The following LPA variants were observed in gnomAD, a reference collection of about 807,000 sequenced individuals.
LPA encodes the protein apolipoprotein(a).
In LPA, 199 loss-of-function variants were observed where a neutral mutation model predicts 197.9. The ratio of observed to expected loss-of-function variants is 1.01; its 90% confidence interval spans 0.90 to 1.13. The LOEUF (loss-of-function observed/expected upper bound fraction) is 1.13, where lower values mean the gene tolerates loss of function less well. Ranked by LOEUF, LPA falls within the 50% of genes most tolerant of loss-of-function variation. LPA has a pLI of 0.00. For synonymous variants in LPA, 715 were observed against 639.5 expected (o/e 1.12, Z -1.78); for missense variants, 1,853 against 1,785.8 (o/e 1.04, Z -0.68).
intron 28 of LPA, among the ~76,000 whole-genome samples, chr6:160,566,610 CATG>C (rs1309326635): frequency 1.3e-5 from 2 of 152,208 alleles, no homozygotes; most frequent in Non-Finnish European, 2.9e-5. Flanking sequence ...CAGCGAACAT[CATG>C]ATGACAGGAT....
At chr6:160,647,122 G>A (rs1166144844) in intron 2 of LPA, among the ~76,000 whole-genome samples, 1 of 152,180 alleles carries the variant, frequency 6.6e-6, no homozygotes, top group Admixed American at 6.5e-5. Flanking sequence ...CTTCTCTCCT[G>A]CTCTCAGTCT....
chr6:160,600,271 T>C (rs1239505383), intron 19 of LPA, among the ~76,000 whole-genome samples: 1 of 152,070 alleles, frequency 6.6e-6, no homozygotes, highest in African/African-American at 2.4e-5. Context: ...TGCATTGCAA[T>C]AAAGCAAAAG....
chr6:160,664,147 T>A lies in LPA; in HGVS notation c.49+19A>T, dbSNP rs1464629118. ...GGGAGAAAAAATAATTCTTATAATT[T>A]AAAAAAACTATGTCTTACCTGATTT... On this transcript the variant is annotated intron_variant, in intron 1 of 38. Transcript: ENST00000316300. The A allele has an allele frequency of 2.5e-6, 4 of 1,590,272 alleles. No homozygotes were observed. Among genetic ancestry groups the A allele is most frequent in the Non-Finnish European group, 3.4e-6 (4 of 1,164,948 alleles).
At chr6:160,563,554 G>T (rs1778397861) in intron 28 of LPA, among the ~76,000 whole-genome samples, 1 of 152,208 alleles carries the variant, frequency 6.6e-6, no homozygotes, top group East Asian at 1.9e-4. Flanking sequence ...TTGATTTGTG[G>T]TGTCGAGTTC....
At chr6:160,578,303 G>T (rs1009120364) in intron 27 of LPA, among the ~76,000 whole-genome samples, 17 of 151,992 alleles carry the variant, frequency 1.1e-4, no homozygotes, top group Admixed American at 6.6e-5. Flanking sequence ...TGGCGGGTCT[G>T]TGCCCTTCCT....
intron 21 of LPA, among the ~76,000 whole-genome samples, chr6:160,595,140 C>A (rs1779105579): frequency 6.6e-6 from 1 of 152,004 alleles, no homozygotes; most frequent in African/African-American, 2.4e-5. Context: ...GGGTCTGCAC[C>A]CTTCCTATAG....
In LPA at chr6:160,574,237, C is replaced by T. The variant is rs114306707; in HGVS notation, c.4631+2899G>A. Among the ~76,000 whole-genome samples the T allele has an allele frequency of 7.3e-3, 1,105 of 152,016 alleles. 11 individuals are homozygous for T. The highest frequency in any genetic ancestry group is 0.026 in the African/African-American group (1,069 of 41,470). ...CATGCAAACTGAAGGGCTGGTCTTACTCCCACCATGCCCCCAACCCCGCAA... is the reference window on the plus strand; with the variant it reads ...CATGCAAACTGAAGGGCTGGTCTTATTCCCACCATGCCCCCAACCCCGCAA... On this transcript the variant is annotated intron_variant, in intron 28 of 38. Transcript: ENST00000316300.
intron 4 of LPA, among the ~76,000 whole-genome samples, chr6:160,643,222 CTTTT>C (rs1304370105): frequency 6.7e-3 from 814 of 121,008 alleles, no homozygotes; most frequent in African/African-American, 0.026. Context: ...TTAAGACATA[CTTTT>C]TTTATACTAC....
At chr6:160,574,956 A>G (rs1778628579) in intron 28 of LPA, among the ~76,000 whole-genome samples, 1 of 152,048 alleles carries the variant, frequency 6.6e-6, no homozygotes, top group Admixed American at 6.6e-5. Flanking sequence ...TTCTTCTATT[A>G]CTTTAAAGAT....
At chr6:160,580,324 G>A (rs1778769062) in intron 26 of LPA, among the ~76,000 whole-genome samples, 1 of 151,026 alleles carries the variant, frequency 6.6e-6, no homozygotes, top group Middle Eastern at 3.4e-3. Flanking sequence ...TGAAAACATT[G>A]AAATAGTTTT....
intron 1 of LPA, among the ~76,000 whole-genome samples, chr6:160,653,981 A>AAT (rs1780060202): frequency 2.1e-4 from 3 of 13,984 alleles, no homozygotes; most frequent in African/African-American, 7.8e-4. Context: ...TATAATATAT[A>AAT]ATATATAATA....
chr6:160,571,013 A>G lies in LPA; in HGVS notation c.4631+6123T>C, dbSNP rs369858011. ...CATCACTTTCAGGTACACCAATCAA[A>G]CGTAGGTTCAATCTTTTCACATAGT... On this transcript the variant is annotated intron_variant, in intron 28 of 38. Transcript: ENST00000316300. 1.6e-4 allele frequency among the ~76,000 whole-genome samples: 24 copies of G among 152,266 alleles called. 1 individual carries two copies. Among genetic ancestry groups the G allele is most frequent in the African/African-American group, 5.5e-4 (23 of 41,546 alleles).
chr6:160,532,634 C>G lies in LPA; in HGVS notation c.5858G>C (p.Gly1953Ala). 6.2e-7 allele frequency: 1 copy of G among 1,604,750 alleles called. No individual in the cohort carries two copies. The highest frequency in any genetic ancestry group is 8.5e-7 in the Non-Finnish European group (1 of 1,171,862). ...WGETQGTFGTGLLKEAQLLVI... is the reference protein window; with the variant it reads ...WGETQGTFGTALLKEAQLLVI... ...AAGGAGCTGGGCTTCCTTGAGAAGG[C>G]CAGTCCCAAAGGTACCTGTGTTTAA... Residue 1953 changes from glycine (G) to alanine (A), a missense_variant, in exon 38 of 39, where the codon GGC becomes GCC. By Grantham distance (60) the Gly-to-Ala change is moderately conservative. This residue lies in a region of LPA where 1,737 missense variants were observed against 1,504.4 expected (regional missense o/e 1.15). Transcript: ENST00000316300.
rs1210969339 is a variant in LPA at position 160,591,099 on chromosome 6, C to A, written c.3632G>T (p.Gly1211Val). Residue 1211 changes from glycine (G) to valine (V), a missense_variant and splice_region_variant, in exon 23 of 39, where the codon GGC becomes GTC. Coordinates refer to ENST00000316300, the MANE Select transcript of LPA (RefSeq NM_005577.4). ...QRTTEYYPNG[G>V]LTRNYCRNPD... ...ATTCCTGCAGTAGTTCCTGGTCAGG[C>A]CACTGCAAATTACAAAACAATACAG... 4 of 1,613,320 alleles carry A rather than the reference C, an allele frequency of 2.5e-6. No individual in the cohort carries two copies. In the African/African-American group the frequency reaches 5.3e-5, roughly 22 times the overall value.
At chr6:160,592,959 C>A (rs961583417) in intron 22 of LPA, among the ~76,000 whole-genome samples, 1 of 152,138 alleles carries the variant, frequency 6.6e-6, no homozygotes, top group Non-Finnish European at 1.5e-5. Context: ...TTGTTCTTTC[C>A]CCAGTAGCTT....
chr6:160,566,671 G>T (rs555294540), intron 28 of LPA, among the ~76,000 whole-genome samples: 1 of 152,156 alleles, frequency 6.6e-6, no homozygotes, highest in Non-Finnish European at 1.5e-5. Flanking sequence ...TGGGCTAAAT[G>T]CTCCAATTAA....
chr6:160,548,392 C>T (rs1778109854), intron 31 of LPA, 86 bp downstream of exon 31: 1 of 1,356,710 alleles, frequency 7.4e-7, no homozygotes, highest in East Asian at 2.3e-5. Flanking sequence ...GCTTCTGCAT[C>T]AGTGTGGTTT....
At chr6:160,605,954 G>C (rs1779340914) in intron 17 of LPA, among the ~76,000 whole-genome samples, 1 of 152,112 alleles carries the variant, frequency 6.6e-6, no homozygotes. Context: ...CTATGACTGA[G>C]GAAGTCCTGA....
At chr6:160,610,017 T>C (rs1464973799) in intron 16 of LPA, among the ~76,000 whole-genome samples, 5 of 152,214 alleles carry the variant, frequency 3.3e-5, no homozygotes, top group Admixed American at 6.5e-5. Flanking sequence ...CTTGATATGA[T>C]ACCTGCTTTG....
Sources: gnomAD v4.1 joint callset for allele counts (sites outside exome capture counted in the v4.1 genomes callset) on GRCh38, gnomAD v4.1.1 for gene constraint, gnomAD v4.1.1 regional missense constraint, MANE v1.5 for transcripts, NCBI Gene and HGNC (gene_info 2026-07-23, HGNC 2026-07-21) for gene names.